Variants in ZNF618 observed in about 807,000 individuals in gnomAD.
ZNF618 encodes zinc finger protein 618.
In ZNF618, 34 loss-of-function variants were observed where a neutral mutation model predicts 103.0. The ratio of observed to expected loss-of-function variants is 0.33; its 90% confidence interval spans 0.25 to 0.44. ZNF618 has a LOEUF of 0.44. ZNF618 is among the 20% of genes least tolerant of loss of function. ZNF618 has a pLI of 1.00. For missense variants in ZNF618, 1,059 were observed against 1,295.4 expected (o/e 0.82, Z 2.80); for synonymous variants, 551 against 542.2 (o/e 1.02, Z -0.23).
At chr9:114,019,994 G>C (rs1842943420) in intron 10 of ZNF618, among the ~76,000 whole-genome samples, 1 of 152,084 alleles carries the variant, frequency 6.6e-6, no homozygotes, top group Non-Finnish European at 1.5e-5. Flanking sequence ...ATTTATGTCT[G>C]TGATATATTT....
At chr9:113,941,203 C>T (rs1434451730) in intron 1 of ZNF618, among the ~76,000 whole-genome samples, 2 of 152,150 alleles carry the variant, frequency 1.3e-5, no homozygotes, top group Non-Finnish European at 2.9e-5. Context: ...AAGGAATCCT[C>T]CCCCACCACA....
Position 114,049,114 on chromosome 9 carries a change from G to A in ZNF618, c.1812G>A (p.Ser604=), listed in dbSNP as rs16912115. The change falls in exon 15 of 15, where the codon TCG becomes TCA. Residue 604 remains serine, a synonymous_variant. Transcript: ENST00000374126. Reference sequence around the variant, plus strand: ...ACCACTGGGTGCAGAACGTGCTGTCGGAGTTCGTGATGTCGGAGATCAGGA... The same window carrying A: ...ACCACTGGGTGCAGAACGTGCTGTCAGAGTTCGTGATGTCGGAGATCAGGA... ...LVHHWVQNVL[S]EFVMSEIRTV... 3,006 of 1,613,830 alleles carry A rather than the reference G, an allele frequency of 1.9e-3. 18 individuals are homozygous for A. In the African/African-American group the frequency reaches 0.023, roughly 12 times the overall value.
intron 1 of ZNF618, among the ~76,000 whole-genome samples, chr9:113,881,335 C>T (rs936653553): frequency 3.9e-5 from 6 of 151,976 alleles, no homozygotes; most frequent in African/African-American, 4.8e-5. Flanking sequence ...GTCAGGTCAG[C>T]GCTAATAGAA....
intron 1 of ZNF618, among the ~76,000 whole-genome samples, chr9:113,953,678 T>C (rs1375052484): frequency 6.6e-6 from 1 of 152,134 alleles, no homozygotes; most frequent in Non-Finnish European, 1.5e-5. Context: ...AACAAATGTA[T>C]GTGGGGGATT....
chr9:114,003,137 C>G (rs900519597), intron 6 of ZNF618, among the ~76,000 whole-genome samples: 3 of 152,236 alleles, frequency 2.0e-5, no homozygotes, highest in African/African-American at 7.2e-5. Context: ...CCCCCACAGC[C>G]AGGGGCACTA....
intron 1 of ZNF618, among the ~76,000 whole-genome samples, chr9:113,944,747 C>CAAA (rs1371864493): frequency 3.3e-5 from 5 of 152,160 alleles, no homozygotes; most frequent in African/African-American, 1.2e-4. Context: ...AAAATGTTAT[C>CAAA]AATTCAACAT....
intron 1 of ZNF618, among the ~76,000 whole-genome samples, chr9:113,924,911 T>C (rs925573522): frequency 2.0e-5 from 3 of 152,052 alleles, no homozygotes; most frequent in African/African-American, 7.2e-5. Context: ...TCTGTTCTTT[T>C]AATCTCGTTA....
intron 1 of ZNF618, among the ~76,000 whole-genome samples, chr9:113,930,820 C>T (rs1020319220): frequency 3.3e-5 from 5 of 152,150 alleles, no homozygotes; most frequent in African/African-American, 1.2e-4. Context: ...TGTCACTTTT[C>T]TGGGCTCAGG....
chr9:113,968,748 T>G (rs911175621), intron 1 of ZNF618, among the ~76,000 whole-genome samples: 1 of 152,234 alleles, frequency 6.6e-6, no homozygotes, highest in African/African-American at 2.4e-5. Context: ...TTGGTAGGAA[T>G]AAATCTACAG....
chr9:114,030,115 G>A (rs988611619), intron 11 of ZNF618, among the ~76,000 whole-genome samples: 4 of 152,162 alleles, frequency 2.6e-5, no homozygotes, highest in Admixed American at 1.3e-4. Flanking sequence ...TGGTTCATTC[G>A]GTGACTGACA....
chr9:114,044,280 C>T (rs551218173), intron 13 of ZNF618, among the ~76,000 whole-genome samples: 4 of 152,114 alleles, frequency 2.6e-5, no homozygotes, highest in Admixed American at 6.5e-5. Context: ...CCAATTATCC[C>T]GCACCATTTG....
At chr9:113,917,235 CTTTTTTTTTT>C in intron 1 of ZNF618, among the ~76,000 whole-genome samples, 1 of 74,258 alleles carries the variant, frequency 1.3e-5, no homozygotes, top group East Asian at 4.1e-4. Flanking sequence ...TCTCTCTATC[CTTTTTTTTTT>C]TTTTTTTTTT....
At chr9:114,025,928 C>A (rs1475692370) in intron 10 of ZNF618, among the ~76,000 whole-genome samples, 4 of 152,210 alleles carry the variant, frequency 2.6e-5, no homozygotes, top group Non-Finnish European at 4.4e-5. Flanking sequence ...ACACTCTGTG[C>A]ATGGCGGGCA....
chr9:113,903,720 T>C (rs1372775606), intron 1 of ZNF618, among the ~76,000 whole-genome samples: 3 of 152,218 alleles, frequency 2.0e-5, no homozygotes, highest in African/African-American at 7.2e-5. Context: ...GTTTTTTGTT[T>C]GTTTCTTTCT....
intron 1 of ZNF618, among the ~76,000 whole-genome samples, chr9:113,880,181 C>T (rs571386354): frequency 2.2e-4 from 34 of 152,024 alleles, no homozygotes; most frequent in African/African-American, 6.5e-4. Flanking sequence ...GTATATAAGC[C>T]GACTTCTCAT....
At chr9:113,909,695 C>T (rs1478682405) in intron 1 of ZNF618, among the ~76,000 whole-genome samples, 2 of 152,060 alleles carry the variant, frequency 1.3e-5, no homozygotes, top group Non-Finnish European at 2.9e-5. Context: ...TCCTTTCTCC[C>T]GAGTCCAGCG....
intron 2 of ZNF618, among the ~76,000 whole-genome samples, chr9:113,985,968 T>G (rs879730322): frequency 1.3e-5 from 2 of 152,206 alleles, no homozygotes; most frequent in Non-Finnish European, 2.9e-5. Context: ...CTGAGGCGAT[T>G]GAATCATGCA....
At chr9:113,880,589 A>AC (rs1433531080) in intron 1 of ZNF618, among the ~76,000 whole-genome samples, 1 of 152,196 alleles carries the variant, frequency 6.6e-6, no homozygotes, top group Non-Finnish European at 1.5e-5. Context: ...CCCAGGCGAG[A>AC]CCTTGAATCA....
At chr9:113,924,068 A>G (rs1171192092) in intron 1 of ZNF618, among the ~76,000 whole-genome samples, 1 of 152,032 alleles carries the variant, frequency 6.6e-6, no homozygotes, top group African/African-American at 2.4e-5. Flanking sequence ...CTCTGCTTCT[A>G]CTTCATGGAA....
Sources: gnomAD v4.1 joint callset for allele counts (sites outside exome capture counted in the v4.1 genomes callset) on GRCh38, gnomAD v4.1.1 for gene constraint, MANE v1.5 for transcripts, NCBI Gene and HGNC (gene_info 2026-07-23, HGNC 2026-07-21) for gene names.